The following SEMA3F variants were observed in gnomAD, a reference collection of about 807,000 sequenced individuals.
The protein encoded by SEMA3F is semaphorin 3F.
SEMA3F carries 30 observed loss-of-function variants against 98.5 expected under a neutral mutation model. The observed-to-expected ratio is 0.30, with a 90% CI of 0.23 to 0.41. SEMA3F has a LOEUF of 0.41. Among genes scored for constraint, SEMA3F ranks in the 10% least tolerant of loss-of-function variants. The pLI is 1.00. For synonymous variants in SEMA3F, 380 were observed against 444.8 expected (o/e 0.85, Z 1.83); for missense variants, 866 against 1,119.3 (o/e 0.77, Z 3.23).
chr3:50,181,746 G>A (rs559446383), intron 7 of SEMA3F, among the ~76,000 whole-genome samples: 1 of 152,036 alleles, frequency 6.6e-6, no homozygotes, highest in South Asian at 2.1e-4. Flanking sequence ...TCAGCCTCCC[G>A]TGTAGCTGGG....
At chr3:50,184,309 G>A in intron 12 of SEMA3F, 1 of 491,954 alleles carries the variant, frequency 2.0e-6, no homozygotes, top group Non-Finnish European at 3.7e-6. Context: ...TGACAGGGGT[G>A]GGGAGGGGGA....
In SEMA3F at chr3:50,184,705, G is replaced by A; in HGVS notation, c.1347G>A (p.Gln449=). ...PLMYQAVYPL[Q]RRPLVVRTGA... Reference sequence around the variant, plus strand: ...TGTACCAGGCCGTGTACCCTCTGCAGCGGCGGCCCCTGGTAGTCCGCACAG... The same window carrying A: ...TGTACCAGGCCGTGTACCCTCTGCAACGGCGGCCCCTGGTAGTCCGCACAG... Residue 449 remains glutamine (Q), a synonymous_variant, in exon 13 of 19, where the codon CAG becomes CAA. Transcript: ENST00000002829. The A allele has an allele frequency of 6.2e-7, 1 of 1,614,148 alleles. No homozygotes were observed. Among genetic ancestry groups the A allele is most frequent in the Non-Finnish European group, 8.5e-7 (1 of 1,179,982 alleles).
intron 17 of SEMA3F, 58 bp downstream of exon 17, chr3:50,186,406 C>G: frequency 1.3e-6 from 2 of 1,552,400 alleles, no homozygotes; most frequent in Admixed American, 3.4e-5. Flanking sequence ...TCCACGCAGC[C>G]CACGAAGCTG....
In SEMA3F at chr3:50,187,842, T is replaced by A; in HGVS notation, c.2085T>A (p.His695Gln). 6.2e-7 allele frequency: 1 copy of A among 1,613,446 alleles called. No homozygotes were observed. Among genetic ancestry groups the A allele is most frequent in the Non-Finnish European group, 8.5e-7 (1 of 1,180,002 alleles). ...ACGTCGTCACACGAGTGCAGCTGCATGTACTGGGCCGGGACGCCGTCCATG... is the reference window on the plus strand; with the variant it reads ...ACGTCGTCACACGAGTGCAGCTGCAAGTACTGGGCCGGGACGCCGTCCATG... ...FKHVVTRVQL[H>Q]VLGRDAVHAA... is the part of the protein sequence containing the mutation. Residue 695 changes from histidine (H) to glutamine (Q), a missense_variant, in exon 19 of 19, where the codon CAT (histidine) becomes CAA (glutamine). Coordinates refer to ENST00000002829, the MANE Select transcript of SEMA3F (RefSeq NM_004186.5).
Position 50,183,333 on chromosome 3 carries a change from G to A in SEMA3F, c.1088+78G>A, listed in dbSNP as rs1019651366. The A allele has an allele frequency of 2.2e-5, 36 of 1,603,724 alleles. 1 individual carries two copies. In the East Asian group the frequency reaches 2.9e-4, roughly 13 times the overall value. On this transcript the variant is annotated intron_variant, in intron 11 of 18. Transcript: ENST00000002829. ...TGTAACTCGTGGAGAACCCCAGCCC[G>A]GTGGCGAGCTGTGGGGAGGGGGCAG...
chr3:50,174,607 A>G (rs1698739398), intron 5 of SEMA3F, among the ~76,000 whole-genome samples: 1 of 152,262 alleles, frequency 6.6e-6, no homozygotes, highest in African/African-American at 2.4e-5. Context: ...CCTGGCACAT[A>G]GTAAGCACTT....
chr3:50,185,364 T>A, intron 13 of SEMA3F, 79 bp from the exon 14 acceptor site: 1 of 1,383,032 alleles, frequency 7.2e-7, no homozygotes, highest in Non-Finnish European at 1.0e-6. Flanking sequence ...GTTTGGGCCC[T>A]GGTGGGGGAA....
In SEMA3F at chr3:50,184,633, G is replaced by A; in HGVS notation, c.1275G>A (p.Lys425=). 6.2e-7 allele frequency: 1 copy of A among 1,614,096 alleles called. No homozygotes were observed. The highest frequency in any genetic ancestry group is 8.5e-7 in the Non-Finnish European group (1 of 1,179,996). Reference sequence around the variant, plus strand: ...TCACGCCATCTATGAAGTCCACCAAGGATTATCCTGATGAGGTGATCAACT... The same window carrying A: ...TCACGCCATCTATGAAGTCCACCAAAGATTATCCTGATGAGGTGATCAACT... ...GTFTPSMKST[K]DYPDEVINFM... Residue 425 remains lysine (K), a synonymous_variant, in exon 13 of 19, where the codon AAG becomes AAA. Transcript: ENST00000002829.
rs1575374465 is a variant in SEMA3F, at chr3:50,160,462, G to A, written c.112+728G>A. ...CCATTGCACTTAACCCACTGGACAG[G>A]TGCACGCACACGGTACACACATGGG... On this transcript the variant is annotated intron_variant, in intron 2 of 18. Coordinates refer to ENST00000002829, the MANE Select transcript of SEMA3F (RefSeq NM_004186.5). Among the ~76,000 whole-genome samples the A allele has an allele frequency of 3.3e-5, 5 of 152,326 alleles. 1 individual carries two copies. The South Asian group carries it at 1.0e-3, about 32-fold the overall frequency.
chr3:50,187,883 C>A lies in SEMA3F; in HGVS notation c.2126C>A (p.Pro709Gln). The A allele has an allele frequency of 6.2e-7, 1 of 1,612,118 alleles. No homozygotes were observed. Among genetic ancestry groups the A allele is most frequent in the South Asian group, 1.1e-5 (1 of 91,036 alleles). Reference protein sequence around the residue: ...RDAVHAALFPPLSMSAPPPPG... With the variant: ...RDAVHAALFPQLSMSAPPPPG... ...GCCGTCCATGCTGCCCTCTTCCCAC[C>A]ACTGTCCATGAGCGCCCCGCCACCC... Residue 709 changes from proline (P) to glutamine (Q), a missense_variant, in exon 19 of 19, where the codon CCA becomes CAA. Around this residue, in one of 3 missense-constraint regions of SEMA3F, gnomAD observed 245 missense variants for 260.5 expected, o/e 0.94. Coordinates refer to ENST00000002829, the MANE Select transcript of SEMA3F (RefSeq NM_004186.5).
rs1038030098 is a variant in SEMA3F at position 50,186,283 on chromosome 3, G to A, written c.1748G>A (p.Arg583Gln). The change falls in exon 17 of 19, where the codon CGG becomes CAG. Residue 583 changes from arginine to glutamine, a missense_variant and splice_region_variant. By Grantham distance (43) the Arg-to-Gln change is conservative (BLOSUM62 1). Coordinates refer to ENST00000002829, the MANE Select transcript of SEMA3F (RefSeq NM_004186.5). ...CTTCAGGGGCTATCCTCATCCAGGC[G>A]GAGCCGCCGGCAGGACGTCCGGCAC... ...CSRYTASSKR[R>Q]SRRQDVRHGN... is the part of the protein sequence containing the mutation. 3 of 1,613,482 alleles carry A rather than the reference G, an allele frequency of 1.9e-6. No individual in the cohort carries two copies. Among genetic ancestry groups the A allele is most frequent in the East Asian group, 2.2e-5 (1 of 44,900 alleles).
At position 50,187,828 on chromosome 3, in the gene SEMA3F, C is replaced by A. The variant is rs766517998; in HGVS notation, c.2071C>A (p.Arg691=). The A allele has an allele frequency of 1.9e-6, 3 of 1,613,520 alleles. No individual in the cohort carries two copies. Among genetic ancestry groups the A allele is most frequent in the East Asian group, 2.2e-5 (1 of 44,888 alleles). The change falls in exon 19 of 19, where the codon CGA becomes AGA. Residue 691 remains arginine (R), a synonymous_variant. Coordinates refer to ENST00000002829, the MANE Select transcript of SEMA3F (RefSeq NM_004186.5). The part of the protein sequence containing the change: ...TENNFKHVVT[R]VQLHVLGRDA... ...GAACAACTTTAAGCACGTCGTCACA[C>A]GAGTGCAGCTGCATGTACTGGGCCG... is the stretch of plus-strand genomic sequence containing the variant.
In SEMA3F at chr3:50,166,676, C is replaced by A. The variant is rs2109070276; in HGVS notation, c.112+6942C>A. ...CTGGGTGGGTGTTGTGAAGGGGCTG[C>A]AGGGACCGCAGGAATCCGAGGAAGG... is the stretch of plus-strand genomic sequence containing the variant. On this transcript the variant is annotated intron_variant, in intron 2 of 18. Coordinates refer to ENST00000002829, the MANE Select transcript of SEMA3F (RefSeq NM_004186.5). The surrounding 1 kb of genome is among the most constrained non-coding windows in gnomAD (Gnocchi z 4.7). 6.6e-6 allele frequency among the ~76,000 whole-genome samples: 1 copy of A among 152,242 alleles called. No homozygotes were observed. The highest frequency in any genetic ancestry group is 1.9e-4 in the East Asian group (1 of 5,166).
chr3:50,163,084 C>G (rs1240588347), intron 2 of SEMA3F, among the ~76,000 whole-genome samples: 1 of 152,108 alleles, frequency 6.6e-6, no homozygotes, highest in Non-Finnish European at 1.5e-5. Context: ...TGAGGCTGTC[C>G]CAGGACTGAG....
At chr3:50,177,025 C>T (rs1698842048) in intron 7 of SEMA3F, among the ~76,000 whole-genome samples, 164 bp downstream of exon 7, 1 of 152,186 alleles carries the variant, frequency 6.6e-6, no homozygotes, top group African/African-American at 2.4e-5. Context: ...CAGGCCAGAC[C>T]CCACTGTGAG....
intron 2 of SEMA3F, among the ~76,000 whole-genome samples, chr3:50,163,692 G>T (rs1012135764): frequency 1.3e-5 from 2 of 152,192 alleles, no homozygotes. Context: ...GGGCTCCTTG[G>T]CCAGCCAGAG....
chr3:50,160,693 G>A (rs957267845), intron 2 of SEMA3F, among the ~76,000 whole-genome samples: 1 of 152,206 alleles, frequency 6.6e-6, no homozygotes, highest in African/African-American at 2.4e-5. Context: ...GCCCTGGCTG[G>A]CCAGATTTCC....
At chr3:50,170,336 T>C (rs910173616) in intron 2 of SEMA3F, among the ~76,000 whole-genome samples, 1 of 152,076 alleles carries the variant, frequency 6.6e-6, no homozygotes, top group Admixed American at 6.5e-5. Flanking sequence ...AGGCTGGAGC[T>C]GAGTCCACAG....
chr3:50,175,045 C>T (rs1349415934), intron 5 of SEMA3F, 51 bp from the exon 6 acceptor site: 2 of 1,309,414 alleles, frequency 1.5e-6, no homozygotes, highest in East Asian at 2.4e-5. Context: ...CGAGCCCGCT[C>T]CCCCAGCCCC....
Sources: gnomAD v4.1 joint callset for allele counts (sites outside exome capture counted in the v4.1 genomes callset) on GRCh38, gnomAD v4.1.1 for gene constraint, gnomAD v4.1.1 regional missense constraint, Gnocchi (gnomAD v3.1) non-coding constraint, MANE v1.5 for transcripts, NCBI Gene and HGNC (gene_info 2026-07-23, HGNC 2026-07-21) for gene names.